The following ZNF227 variants were observed in gnomAD, a reference collection of about 807,000 sequenced individuals.
The protein encoded by ZNF227 is zinc finger protein 227.
Under a neutral mutation model 13.2 loss-of-function variants are expected in ZNF227, and 12 were observed. That is an observed-to-expected ratio of 0.91 (90% CI 0.58 to 1.47). The LOEUF (loss-of-function observed/expected upper bound fraction) is 1.47, where lower values mean the gene tolerates loss of function less well. Ranked by LOEUF, ZNF227 falls within the 40% of genes most tolerant of loss-of-function variation. The probability of loss-of-function intolerance (pLI) is 0.00; values close to 1 mark genes in which losing one functional copy is unlikely to be tolerated. For synonymous variants in ZNF227, 338 were observed against 326.0 expected (o/e 1.04, Z -0.40); for missense variants, 885 against 967.5 (o/e 0.91, Z 1.13).
Position 44,236,371 on chromosome 19 carries a change from T to C in ZNF227, c.1941T>C (p.Leu647=), listed in dbSNP as rs779974975. 105 of 1,614,028 alleles carry C rather than the reference T, an allele frequency of 6.5e-5. No homozygotes were observed. The highest frequency in any genetic ancestry group is 8.3e-5 in the Non-Finnish European group (98 of 1,180,032). ...CGKGFSQSSG[L]QSHQRVHTGE... The stretch of plus-strand genomic sequence containing the variant: ...AGGGCTTCAGTCAGTCCTCTGGTCT[T>C]CAATCCCATCAGAGAGTCCACACGG... The change falls in exon 6 of 6, where the codon CTT becomes CTC. Residue 647 remains leucine (L), a synonymous_variant. Transcript: ENST00000313040.
chr19:44,235,568 T>A lies in ZNF227; in HGVS notation c.1138T>A (p.Tyr380Asn), dbSNP rs1489638759. The change falls in exon 6 of 6, where the codon TAC becomes AAC. Residue 380 changes from tyrosine to asparagine, a missense_variant. Physicochemically the swap from Tyr to Asn is moderately radical, Grantham distance 143. Transcript: ENST00000313040. Reference sequence around the variant, plus strand: ...GAGAGTCCACACTGAAGAAAAACCATACAAATGCGAAGAGTGTGGTAAGGG... The same window carrying A: ...GAGAGTCCACACTGAAGAAAAACCAAACAAATGCGAAGAGTGTGGTAAGGG... ...HQRVHTEEKP[Y>N]KCEECGKGFG... 6.2e-7 allele frequency: 1 copy of A among 1,614,100 alleles called. No individual in the cohort carries two copies. The highest frequency in any genetic ancestry group is 1.1e-5 in the South Asian group (1 of 91,068).
chr19:44,229,842 G>A, intron 5 of ZNF227, 26 bp downstream of exon 5: 1 of 1,499,020 alleles, frequency 6.7e-7, no homozygotes, highest in South Asian at 1.3e-5. Flanking sequence ...AGAACCCTGT[G>A]TCTGTTCTTT....
chr19:44,229,900 C>G, intron 5 of ZNF227, 84 bp downstream of exon 5: 1 of 924,754 alleles, frequency 1.1e-6, no homozygotes, highest in Non-Finnish European at 1.5e-6. Flanking sequence ...CCTCCCTGGT[C>G]TGAGTGTTAA....
chr19:44,217,403 T>C (rs1201541217), intron 2 of ZNF227: 1 of 472,902 alleles, frequency 2.1e-6, no homozygotes, highest in Admixed American at 2.3e-5. Context: ...ATTCTTACCA[T>C]ATCCTCATTG....
chr19:44,229,823 A>G lies in ZNF227; in HGVS notation c.271+7A>G. ...GAAACAGAAACCCAAAGAAGTAGGT[A>G]TTCTGGTGAGAACCCTGTGTCTGTT... On this transcript the variant is annotated splice_region_variant and intron_variant, in intron 5 of 5. Transcript: ENST00000313040. 6.4e-7 allele frequency: 1 copy of G among 1,553,952 alleles called. No homozygotes were observed. Among genetic ancestry groups the G allele is most frequent in the Non-Finnish European group, 8.8e-7 (1 of 1,142,218 alleles).
intron 5 of ZNF227, among the ~76,000 whole-genome samples, chr19:44,233,903 A>T (rs1364527446): frequency 6.6e-6 from 1 of 152,160 alleles, no homozygotes; most frequent in Non-Finnish European, 1.5e-5. Flanking sequence ...TTTTAAAAAA[A>T]AAATGGCGTA....
chr19:44,212,291 A>G (rs965555518), upstream of ZNF227, among the ~76,000 whole-genome samples: 7 of 150,388 alleles, frequency 4.7e-5, no homozygotes, highest in Admixed American at 2.0e-4. Context: ...CGTGAAGAGG[A>G]TTCTGGATGT....
chr19:44,234,663 C>G, intron 5 of ZNF227, 39 bp from the exon 6 acceptor site: 151 of 1,474,094 alleles, frequency 1.0e-4, no homozygotes, highest in Non-Finnish European at 1.3e-4. Context: ...GCATTTACTG[C>G]CCTCATCTCT....
In ZNF227 at chr19:44,228,454, GAC is replaced by G; in HGVS notation, c.71_72del (p.Thr24IlefsTer73). On this transcript the variant is annotated frameshift_variant, in exon 4 of 6. Transcript: ENST00000313040. LOFTEE classifies it high-confidence loss of function. ...TGTGTTTGATATTGTAGGAGGCTGT[GAC>G]ATTCAAGGATGTGGCTGTGGTCTTC... ...EKMTKFQEAV[T>X]FKDVAVVFSR... 3 of 1,612,808 alleles carry G rather than the reference GAC, an allele frequency of 1.9e-6. No individual in the cohort carries two copies. The highest frequency in any genetic ancestry group is 2.5e-6 in the Non-Finnish European group (3 of 1,179,642).
chr19:44,211,046 T>A (rs1480209969), upstream of ZNF227, among the ~76,000 whole-genome samples: 2 of 151,900 alleles, frequency 1.3e-5, no homozygotes, highest in South Asian at 4.2e-4. Context: ...ATACAAAAAT[T>A]AGCTGGGCGT....
chr19:44,234,425 C>CTGAT (rs1974186181), intron 5 of ZNF227, among the ~76,000 whole-genome samples: 1 of 152,158 alleles, frequency 6.6e-6, no homozygotes, highest in African/African-American at 2.4e-5. Flanking sequence ...CTGCAGCTAC[C>CTGAT]TGATTTTAGC....
At chr19:44,216,603 C>CG (rs1408636880) in intron 2 of ZNF227, among the ~76,000 whole-genome samples, 1 of 152,232 alleles carries the variant, frequency 6.6e-6, no homozygotes, top group Non-Finnish European at 1.5e-5. Flanking sequence ...TTCCCTCCAT[C>CG]CTGCCTTCTC....
rs1255543362 is a variant in ZNF227, at chr19:44,236,461, C to T, written c.2031C>T (p.Tyr677=). The change falls in exon 6 of 6, where the codon TAC becomes TAT. Residue 677 remains tyrosine, a synonymous_variant. Transcript: ENST00000313040. The part of the protein sequence containing the change: ...KGFRYSSQFI[Y]HQRGHTGEKP... ...TTAGATACAGTTCGCAGTTTATATA[C>T]CATCAGAGAGGCCACACTGGAGAAA... is the stretch of plus-strand genomic sequence containing the variant. The T allele has an allele frequency of 1.2e-6, 2 of 1,612,180 alleles. No individual in the cohort carries two copies. Among genetic ancestry groups the T allele is most frequent in the Admixed American group, 1.7e-5 (1 of 59,760 alleles).
At chr19:44,234,545 A>T (rs1430934819) in intron 5 of ZNF227, among the ~76,000 whole-genome samples, 157 bp from the exon 6 acceptor site, 2 of 152,198 alleles carry the variant, frequency 1.3e-5, no homozygotes, top group Admixed American at 1.3e-4. Context: ...TGTATGAAAA[A>T]CATGTCAAAA....
In ZNF227 at chr19:44,213,219, C is replaced by G. The variant is rs984987821; in HGVS notation, c.-28C>G. 1 of 152,204 alleles carries G rather than the reference C, an allele frequency of 6.6e-6. No individual in the cohort carries two copies. The highest frequency in any genetic ancestry group is 2.4e-5 in the African/African-American group (1 of 41,444). The allele number at this position is 152,204 out of a possible 1,614,324, so 9.4% of individuals were successfully genotyped here. ...TGCAAAGAGGAGGAAGGAGGGACTT[C>G]TTGGCTTCTCCCAGCATAGCCCCAG... On this transcript the variant is annotated 5_prime_UTR_variant, in exon 2 of 6. Coordinates refer to ENST00000313040, the MANE Select transcript of ZNF227 (RefSeq NM_182490.3).
rs564343444 is a variant in ZNF227 at position 44,213,403 on chromosome 19, A to G, written c.-3+159A>G. 1.7e-3 allele frequency: 264 copies of G among 152,340 alleles called. 1 individual carries two copies. Among genetic ancestry groups the G allele is most frequent in the African/African-American group, 6.0e-3 (251 of 41,576 alleles). 9.4% of individuals were successfully genotyped at this position (152,340 alleles called of 1,614,324 possible). The stretch of plus-strand genomic sequence containing the variant: ...TACTTGGAAATGAGTATTACCAATA[A>G]CATCTTACCACTTTGATTTTAAGGC... On this transcript the variant is annotated intron_variant, in intron 2 of 5. Coordinates refer to ENST00000313040, the MANE Select transcript of ZNF227 (RefSeq NM_182490.3).
At chr19:44,211,899 CTTTTTTTTTTT>C (rs528951551), upstream of ZNF227, among the ~76,000 whole-genome samples, 1 of 65,448 alleles carries the variant, frequency 1.5e-5, no homozygotes, top group Non-Finnish European at 3.9e-5. Context: ...TTTTTTTTTT[CTTTTTTTTTTT>C]TTTGAGACAG....
intron 2 of ZNF227, among the ~76,000 whole-genome samples, chr19:44,215,292 G>A (rs558333840): frequency 6.6e-6 from 1 of 150,662 alleles, no homozygotes; most frequent in Non-Finnish European, 1.5e-5. Flanking sequence ...TCAGCCTCCC[G>A]AGTAGCTGAG....
intron 5 of ZNF227, among the ~76,000 whole-genome samples, chr19:44,233,900 A>G (rs1217895256): frequency 2.0e-5 from 3 of 152,148 alleles, no homozygotes; most frequent in Admixed American, 6.5e-5. Context: ...GTTTTTTAAA[A>G]AAAAAATGGC....
Sources: allele counts gnomAD v4.1 joint callset (sites outside exome capture counted in the v4.1 genomes callset), GRCh38; gene constraint gnomAD v4.1.1; transcripts MANE v1.5; gene names NCBI Gene and HGNC (gene_info 2026-07-23, HGNC 2026-07-21).